The following OPN5 variants were observed in gnomAD, a reference collection of about 807,000 sequenced individuals.
OPN5 encodes the protein opsin 5.
Under a neutral mutation model 41.7 loss-of-function variants are expected in OPN5, and 18 were observed. The observed-to-expected ratio is 0.43, with a 90% CI of 0.30 to 0.64. The LOEUF (loss-of-function observed/expected upper bound fraction) is 0.64. OPN5 is among the 30% of genes least tolerant of loss of function. The pLI is 0.13. For synonymous variants in OPN5, 178 were observed against 164.3 expected (o/e 1.08, Z -0.64); for missense variants, 318 against 434.5 (o/e 0.73, Z 2.38).
intron 3 of OPN5, among the ~76,000 whole-genome samples, chr6:47,792,216 A>C (rs892124327): frequency 3.9e-5 from 6 of 152,238 alleles, no homozygotes; most frequent in Non-Finnish European, 8.8e-5. Context: ...GCTTTAAAAA[A>C]GTACCATTTT....
chr6:47,821,075 C>T (rs546636992), intron 6 of OPN5, among the ~76,000 whole-genome samples: 2 of 152,124 alleles, frequency 1.3e-5, no homozygotes, highest in Non-Finnish European at 2.9e-5. Flanking sequence ...TTATTGTCTT[C>T]ACGTTGAGTA....
intron 6 of OPN5, among the ~76,000 whole-genome samples, chr6:47,819,353 A>ATATATATATATATATATAT (rs1491208722): frequency 2.4e-5 from 2 of 84,856 alleles, no homozygotes; most frequent in Admixed American, 1.6e-4. Flanking sequence ...ATATATATAT[A>ATATATATATATATATATAT]AAAAATATAT....
At chr6:47,782,258 T>G in intron 1 of OPN5, 62 bp downstream of exon 1, 1 of 1,530,690 alleles carries the variant, frequency 6.5e-7, no homozygotes, top group East Asian at 2.3e-5. Context: ...GCTGATATGT[T>G]AATTTTGTGA....
downstream of OPN5, chr6:47,826,028 CA>C (rs1445720847): frequency 6.6e-6 from 1 of 152,044 alleles, no homozygotes; most frequent in African/African-American, 2.4e-5. Context: ...ATATATAATA[CA>C]TATATGTGTG....
chr6:47,826,268 T>A (rs572322460), downstream of OPN5: 1 of 152,236 alleles, frequency 6.6e-6, no homozygotes, highest in East Asian at 1.9e-4. Context: ...ATCCTGGGAT[T>A]TCGTGAAAAT....
intron 6 of OPN5, among the ~76,000 whole-genome samples, chr6:47,817,829 G>A (rs907451358): frequency 6.6e-6 from 1 of 152,134 alleles, no homozygotes; most frequent in Non-Finnish European, 1.5e-5. Flanking sequence ...GGATCTGTGA[G>A]CGGGACACTC....
In OPN5 at chr6:47,821,921, T is replaced by C. The variant is rs529419043; in HGVS notation, c.1057-2062T>C. ...AGTGGTCAGGAGTTCAAGAGCAGCC[T>C]GGCCAATATGGCAAAACCCCTCTCT... On this transcript the variant is annotated intron_variant, in intron 6 of 6. Transcript: ENST00000371211. Among the ~76,000 whole-genome samples, 2 of 152,238 alleles carry C rather than the reference T, an allele frequency of 1.3e-5. 1 individual carries two copies. Among genetic ancestry groups the C allele is most frequent in the South Asian group, 4.1e-4 (2 of 4,826 alleles).
intron 6 of OPN5, among the ~76,000 whole-genome samples, chr6:47,820,205 C>T (rs1396905986): frequency 6.6e-6 from 1 of 152,016 alleles, no homozygotes; most frequent in East Asian, 1.9e-4. Flanking sequence ...AACTTTCTGG[C>T]CCTTTATGGA....
chr6:47,818,387 A>G (rs989327009), intron 6 of OPN5, among the ~76,000 whole-genome samples: 7 of 152,216 alleles, frequency 4.6e-5, no homozygotes, highest in Admixed American at 1.3e-4. Context: ...CAAGAAGAAT[A>G]ATAGCACTGA....
chr6:47,820,100 T>A (rs1305468893), intron 6 of OPN5, among the ~76,000 whole-genome samples: 1 of 151,592 alleles, frequency 6.6e-6, no homozygotes, highest in Non-Finnish European at 1.5e-5. Flanking sequence ...CCCACTTGTT[T>A]ACATATTGTC....
chr6:47,798,068 C>G (rs1773633540), intron 4 of OPN5, among the ~76,000 whole-genome samples: 2 of 151,682 alleles, frequency 1.3e-5, no homozygotes, highest in South Asian at 4.2e-4. Flanking sequence ...AAATGTTAAA[C>G]AAAGTGTAGG....
chr6:47,807,002 C>A (rs556771435), intron 4 of OPN5, among the ~76,000 whole-genome samples: 88 of 152,164 alleles, frequency 5.8e-4, no homozygotes, highest in African/African-American at 2.0e-3. Flanking sequence ...TACAAAAATA[C>A]AAAAATTAGC....
intron 2 of OPN5, among the ~76,000 whole-genome samples, chr6:47,788,769 C>T (rs1773271164): frequency 7.1e-6 from 1 of 141,388 alleles, no homozygotes; most frequent in Non-Finnish European, 1.5e-5. Flanking sequence ...ATTAGGATAA[C>T]CTCTTAGGAT....
At chr6:47,794,015 A>C (rs62397905) in intron 3 of OPN5, among the ~76,000 whole-genome samples, 1 of 152,146 alleles carries the variant, frequency 6.6e-6, no homozygotes, top group Non-Finnish European at 1.5e-5. Flanking sequence ...GTATAGAAAC[A>C]ATCTGTTATA....
intron 6 of OPN5, among the ~76,000 whole-genome samples, chr6:47,813,509 G>A (rs180936418): frequency 1.2e-3 from 177 of 152,266 alleles, no homozygotes; most frequent in Non-Finnish European, 2.1e-3. Context: ...TAGTCTGGCA[G>A]GAGCCAAATC....
At chr6:47,818,682 A>G (rs1762503841) in intron 6 of OPN5, among the ~76,000 whole-genome samples, 1 of 152,168 alleles carries the variant, frequency 6.6e-6, no homozygotes, top group South Asian at 2.1e-4. Flanking sequence ...CCAAGGTGAG[A>G]GATGACCCTA....
In OPN5 at chr6:47,796,064, G is replaced by A. The variant is rs924407687; in HGVS notation, c.756+501G>A. ...CATGGGAAGCTTGTGTTATGAACAC[G>A]AGCAGTTTCTGCAGGCTTGAGTACC... On this transcript the variant is annotated intron_variant, in intron 4 of 6. Coordinates refer to ENST00000371211, the Ensembl canonical transcript of OPN5. 7.9e-5 allele frequency among the ~76,000 whole-genome samples: 12 copies of A among 152,220 alleles called. No individual in the cohort carries two copies. In the East Asian group the frequency reaches 1.4e-3, roughly 17 times the overall value.
chr6:47,812,049 G>T (rs1468553494), intron 6 of OPN5, among the ~76,000 whole-genome samples: 1 of 152,094 alleles, frequency 6.6e-6, no homozygotes, highest in Non-Finnish European at 1.5e-5. Flanking sequence ...TTATATTAGG[G>T]GGTTATTTAA....
At position 47,824,035 on chromosome 6, in the gene OPN5, G is replaced by C. The variant is rs770413632; in HGVS notation, c.*44G>C. The C allele has an allele frequency of 4.7e-6, 7 of 1,498,846 alleles. No homozygotes were observed. In the South Asian group the frequency reaches 8.4e-5, roughly 18 times the overall value. 92.8% of individuals were successfully genotyped at this position (1,498,846 alleles called of 1,614,324 possible). On this transcript the variant is annotated 3_prime_UTR_variant, in exon 7 of 7. Coordinates refer to ENST00000371211, the Ensembl canonical transcript of OPN5. Reference sequence around the variant, plus strand: ...AGAGTGCATCTGAAGTGCTTACACGGCGTCTGGCATATGCAGAGAAATTAG... The same window carrying C: ...AGAGTGCATCTGAAGTGCTTACACGCCGTCTGGCATATGCAGAGAAATTAG...
Sources: gnomAD v4.1 joint callset for allele counts (sites outside exome capture counted in the v4.1 genomes callset) on GRCh38, gnomAD v4.1.1 for gene constraint, MANE v1.5 for transcripts, NCBI Gene and HGNC (gene_info 2026-07-23, HGNC 2026-07-21) for gene names.